The following DPF3 variants were observed in gnomAD, a reference collection of about 807,000 sequenced individuals.
DPF3 encodes the protein double PHD fingers 3.
In DPF3, 18 loss-of-function variants were observed where a neutral mutation model predicts 56.8. That is an observed-to-expected ratio of 0.32 (90% CI 0.22 to 0.47). DPF3 has a LOEUF of 0.47. Ranked by LOEUF, DPF3 falls within the 20% of genes least tolerant of loss-of-function variation. The probability of loss-of-function intolerance (pLI) is 1.00; values close to 1 mark genes in which losing one functional copy is unlikely to be tolerated. For missense variants in DPF3, 403 were observed against 488.8 expected, an observed-to-expected ratio of 0.82 and a Z score of 1.65; for synonymous variants, 188 against 180.2, an observed-to-expected ratio of 1.04 and a Z score of -0.35.
At chr14:72,841,529 A>G (rs997366065) in intron 1 of DPF3, among the ~76,000 whole-genome samples, 3 of 152,134 alleles carry the variant, frequency 2.0e-5, no homozygotes, top group African/African-American at 7.2e-5. Context: ...GGGTTAGGGG[A>G]GAGATGGAGA....
intron 3 of DPF3, among the ~76,000 whole-genome samples, chr14:72,740,787 C>T (rs1025134001): frequency 1.3e-5 from 2 of 152,196 alleles, no homozygotes; most frequent in Non-Finnish European, 2.9e-5. Flanking sequence ...TGCCCTGGGC[C>T]ATGGGTGCCT....
At chr14:72,739,749 G>A (rs770138680) in intron 3 of DPF3, among the ~76,000 whole-genome samples, 6 of 152,316 alleles carry the variant, frequency 3.9e-5, no homozygotes, top group Non-Finnish European at 7.3e-5. Flanking sequence ...TCATGGCAGA[G>A]CCACAGTGGA....
At chr14:72,738,926 G>A (rs907684505) in intron 3 of DPF3, among the ~76,000 whole-genome samples, 6 of 151,956 alleles carry the variant, frequency 3.9e-5, no homozygotes, top group Non-Finnish European at 8.8e-5. Context: ...AATAAAGCTC[G>A]GAGGGAATAA....
chr14:72,775,134 T>C (rs1045858689), intron 1 of DPF3, among the ~76,000 whole-genome samples: 1 of 152,110 alleles, frequency 6.6e-6, no homozygotes, highest in African/African-American at 2.4e-5. Flanking sequence ...AGCAATCTGT[T>C]TTCCCAGGAC....
chr14:72,733,262 A>G (rs1889749970), intron 3 of DPF3, among the ~76,000 whole-genome samples: 1 of 152,172 alleles, frequency 6.6e-6, no homozygotes, highest in Non-Finnish European at 1.5e-5. Context: ...AGGAACTATG[A>G]TGCAGTGGTG....
intron 2 of DPF3, among the ~76,000 whole-genome samples, chr14:72,762,264 T>C (rs1891098228): frequency 6.6e-6 from 1 of 151,790 alleles, no homozygotes; most frequent in Non-Finnish European, 1.5e-5. Flanking sequence ...ATATCTCTCA[T>C]AAACATAGAT....
At chr14:72,876,555 C>G (rs1158555114) in intron 1 of DPF3, among the ~76,000 whole-genome samples, 1 of 152,206 alleles carries the variant, frequency 6.6e-6, no homozygotes, top group African/African-American at 2.4e-5. Context: ...TACTCCCAAC[C>G]AGCCAAACAG....
intron 1 of DPF3, among the ~76,000 whole-genome samples, chr14:72,867,519 T>G (rs1885722001): frequency 6.6e-6 from 1 of 152,136 alleles, no homozygotes; most frequent in African/African-American, 2.4e-5. Context: ...GATAGATGGT[T>G]GGGGTACTCT....
intron 1 of DPF3, among the ~76,000 whole-genome samples, chr14:72,831,066 G>A (rs1488999021): frequency 2.6e-5 from 4 of 152,184 alleles, no homozygotes; most frequent in African/African-American, 9.7e-5. Flanking sequence ...GGCTACTGCT[G>A]TCCTTCTTGG....
At chr14:72,885,130 A>AC (rs1886491668) in intron 1 of DPF3, among the ~76,000 whole-genome samples, 2 of 146,278 alleles carry the variant, frequency 1.4e-5, no homozygotes, top group South Asian at 4.4e-4. Flanking sequence ...CGTCTCAAAA[A>AC]AAAAAAACAG....
chr14:72,888,331 TAA>T (rs1397546406), intron 1 of DPF3, among the ~76,000 whole-genome samples: 1 of 152,170 alleles, frequency 6.6e-6, no homozygotes, highest in African/African-American at 2.4e-5. Context: ...CCACTGCTTT[TAA>T]AACTCTAATG....
At chr14:72,758,446 G>A (rs1022081093) in intron 2 of DPF3, among the ~76,000 whole-genome samples, 1 of 152,146 alleles carries the variant, frequency 6.6e-6, no homozygotes, top group Non-Finnish European at 1.5e-5. Flanking sequence ...AAGAGTCTGA[G>A]GAGACCACAG....
chr14:72,633,178 T>C (rs1285150027), intron 8 of DPF3, among the ~76,000 whole-genome samples: 2 of 152,094 alleles, frequency 1.3e-5, no homozygotes, highest in African/African-American at 2.4e-5. Context: ...AGAAAGACTG[T>C]AGAAGGATTG....
chr14:72,673,388 G>A (rs1886774904), intron 8 of DPF3, among the ~76,000 whole-genome samples: 1 of 152,124 alleles, frequency 6.6e-6, no homozygotes, highest in African/African-American at 2.4e-5. Flanking sequence ...ACTAAAAATG[G>A]GGTTGAAATT....
At chr14:72,684,461 C>T (rs1014490561) in intron 7 of DPF3, among the ~76,000 whole-genome samples, 1 of 150,950 alleles carries the variant, frequency 6.6e-6, no homozygotes, top group African/African-American at 2.4e-5. Flanking sequence ...GAAGGAAAAC[C>T]AAGAGGCAAG....
chr14:72,842,799 G>A (rs751472335), intron 1 of DPF3, among the ~76,000 whole-genome samples: 8 of 152,130 alleles, frequency 5.3e-5, no homozygotes, highest in South Asian at 2.1e-4. Context: ...CGAGGCAGGC[G>A]GATCACGAGG....
chr14:72,723,635 G>A lies in DPF3; in HGVS notation c.523C>T (p.Arg175Trp), dbSNP rs1313292844. 7.0e-6 allele frequency: 11 copies of A among 1,561,700 alleles called. No individual in the cohort carries two copies. Among genetic ancestry groups the A allele is most frequent in the Admixed American group, 4.3e-5 (2 of 46,250 alleles). ...CGCTCATGTCATCCCCAACTTACCC[G>A]TCCTCTAGTCCTGTTCTTTCGCTTG... Reference protein sequence around the residue: ...IPKRKNRTRGRARGSAGGRRR... With the variant: ...IPKRKNRTRGWARGSAGGRRR... Residue 175 changes from arginine (R) to tryptophan (W), a missense_variant and splice_region_variant, in exon 5 of 11, where the codon CGG becomes TGG. By Grantham distance (101) the Arg-to-Trp change is moderately radical (BLOSUM62 -3). Transcript: ENST00000556509.
chr14:72,731,963 A>T (rs1177293795), intron 3 of DPF3, 29 bp from the exon 4 acceptor site: 1 of 1,559,748 alleles, frequency 6.4e-7, no homozygotes. Flanking sequence ...AAGGCAGGTC[A>T]GGCCACTAGA....
At chr14:72,856,843 C>T (rs1197359297) in intron 1 of DPF3, among the ~76,000 whole-genome samples, 1 of 152,178 alleles carries the variant, frequency 6.6e-6, no homozygotes, top group African/African-American at 2.4e-5. Context: ...GGCCCCTGTG[C>T]CCCTCAGTAA....
Sources: gnomAD v4.1 joint callset for allele counts (sites outside exome capture counted in the v4.1 genomes callset) on GRCh38, gnomAD v4.1.1 for gene constraint, MANE v1.5 for transcripts, NCBI Gene and HGNC (gene_info 2026-07-23, HGNC 2026-07-21) for gene names.